Variants in PPP1R21 observed in about 807,000 individuals in gnomAD.
The protein encoded by PPP1R21 is protein phosphatase 1 regulatory subunit 21.
In PPP1R21, 85 loss-of-function variants were observed where a neutral mutation model predicts 112.8. The observed-to-expected ratio is 0.75, with a 90% CI of 0.63 to 0.90. PPP1R21 has a LOEUF of 0.90. PPP1R21 is among the 40% of genes least tolerant of loss of function. PPP1R21 has a pLI of 0.00. For missense variants in PPP1R21, 1,199 were observed against 901.5 expected (o/e 1.33, Z -4.23); for synonymous variants, 381 against 322.3 (o/e 1.18, Z -1.95).
intron 4 of PPP1R21, among the ~76,000 whole-genome samples, chr2:48,458,909 G>A (rs1047908134): frequency 5.9e-5 from 9 of 151,784 alleles, no homozygotes; most frequent in Non-Finnish European, 8.8e-5. Flanking sequence ...TGGCTAACAC[G>A]GTGAAACCCC....
At chr2:48,491,555 AAAAAG>A (rs1394817064) in intron 15 of PPP1R21, among the ~76,000 whole-genome samples, 19 of 62,434 alleles carry the variant, frequency 3.0e-4, no homozygotes, top group South Asian at 5.0e-4. Context: ...AAAAGAAAAA[AAAAAG>A]AGAGAAGATA....
At chr2:48,495,320 C>T (rs879340506) in intron 15 of PPP1R21, among the ~76,000 whole-genome samples, 3 of 152,168 alleles carry the variant, frequency 2.0e-5, no homozygotes, top group Non-Finnish European at 2.9e-5. Context: ...TCTCGTGCCT[C>T]AGCTTCCCTA....
intron 7 of PPP1R21, among the ~76,000 whole-genome samples, chr2:48,463,652 C>G (rs923555567): frequency 2.0e-5 from 3 of 152,096 alleles, no homozygotes; most frequent in Non-Finnish European, 2.9e-5. Flanking sequence ...ATGGAAGAGA[C>G]TCACTGTGGA....
intron 17 of PPP1R21, among the ~76,000 whole-genome samples, chr2:48,503,273 A>G (rs890140180): frequency 2.0e-5 from 3 of 152,206 alleles, no homozygotes; most frequent in Non-Finnish European, 4.4e-5. Flanking sequence ...AATTTCATAT[A>G]TAGTTGACAC....
intron 4 of PPP1R21, 90 bp downstream of exon 4, chr2:48,458,317 C>T: frequency 2.6e-6 from 2 of 759,048 alleles, no homozygotes; most frequent in South Asian, 1.5e-5. Context: ...TGTTTTGTGT[C>T]TGCGTGGGTA....
chr2:48,487,183 A>T (rs1003086783), intron 14 of PPP1R21, among the ~76,000 whole-genome samples: 2 of 152,206 alleles, frequency 1.3e-5, no homozygotes. Flanking sequence ...GTGTATATGA[A>T]GGGTCTGCCA....
At chr2:48,468,752 T>C (rs1668316647) in intron 9 of PPP1R21, among the ~76,000 whole-genome samples, 1 of 151,372 alleles carries the variant, frequency 6.6e-6, no homozygotes, top group African/African-American at 2.4e-5. Flanking sequence ...GAGGCAGAGG[T>C]TGCAGTGAGC....
rs1390594861 is a variant in PPP1R21, at chr2:48,498,475, ACT to A, written c.1693-15_1693-14del. On this transcript the variant is annotated splice_polypyrimidine_tract_variant and intron_variant, in intron 16 of 21. Coordinates refer to ENST00000294952, the MANE Select transcript of PPP1R21 (RefSeq NM_001135629.3). ...TCTGTATTAGTCTCTAAGATACAAC[ACT>A]CTGTTACTTTTCAAGGTTCAACAGA... 2 of 1,613,386 alleles carry A rather than the reference ACT, an allele frequency of 1.2e-6. No individual in the cohort carries two copies. The highest frequency in any genetic ancestry group is 3.3e-5 in the Admixed American group (2 of 59,976).
At chr2:48,448,832 A>G (rs1402778584) in intron 1 of PPP1R21, among the ~76,000 whole-genome samples, 1 of 152,180 alleles carries the variant, frequency 6.6e-6, no homozygotes, top group African/African-American at 2.4e-5. Flanking sequence ...CACACAGTAA[A>G]TATTTTAGGC....
rs751336324 is a variant in PPP1R21, at chr2:48,498,541, C to T, written c.1741C>T (p.His581Tyr). Residue 581 changes from histidine to tyrosine, a missense_variant, in exon 17 of 22, where the codon CAT becomes TAT. Transcript: ENST00000294952. Reference protein sequence around the residue: ...KISKLEQEKEHWMLEAQLAKI... With the variant: ...KISKLEQEKEYWMLEAQLAKI... ...TTCTAAACTGGAGCAGGAAAAAGAA[C>T]ATTGGATGTTGGAAGCACAATTAGC... 4.3e-6 allele frequency: 7 copies of T among 1,614,082 alleles called. No individual in the cohort carries two copies. Among genetic ancestry groups the T allele is most frequent in the East Asian group, 2.2e-5 (1 of 44,886 alleles).
chr2:48,493,749 G>A (rs912929694), intron 15 of PPP1R21, among the ~76,000 whole-genome samples: 2 of 151,992 alleles, frequency 1.3e-5, no homozygotes, highest in African/African-American at 4.8e-5. Flanking sequence ...TCTCCATTCA[G>A]TTAGAAATGC....
chr2:48,506,137 C>T (rs1450851263), intron 18 of PPP1R21, among the ~76,000 whole-genome samples: 3 of 152,142 alleles, frequency 2.0e-5, no homozygotes, highest in African/African-American at 7.2e-5. Context: ...TTATATTGCC[C>T]ATACTGAAGT....
chr2:48,468,461 A>G (rs1308691775), intron 9 of PPP1R21, among the ~76,000 whole-genome samples: 1 of 152,184 alleles, frequency 6.6e-6, no homozygotes, highest in Non-Finnish European at 1.5e-5. Context: ...GATAGGGAAG[A>G]CAGTACTGCA....
At chr2:48,487,251 A>G (rs1669343391) in intron 14 of PPP1R21, among the ~76,000 whole-genome samples, 1 of 152,164 alleles carries the variant, frequency 6.6e-6, no homozygotes, top group Non-Finnish European at 1.5e-5. Context: ...TATACGTTCC[A>G]TTAATACTTT....
chr2:48,465,144 C>G (rs1668145113), intron 8 of PPP1R21, among the ~76,000 whole-genome samples, 155 bp downstream of exon 8: 1 of 152,154 alleles, frequency 6.6e-6, no homozygotes, highest in Non-Finnish European at 1.5e-5. Context: ...TCAAATGTAG[C>G]TTGCTTTTTA....
chr2:48,446,286 A>G (rs1023773321), intron 1 of PPP1R21, among the ~76,000 whole-genome samples: 1 of 152,184 alleles, frequency 6.6e-6, no homozygotes, highest in Non-Finnish European at 1.5e-5. Flanking sequence ...ACATATTGTC[A>G]GAGTGGCATG....
chr2:48,451,538 C>G (rs2103759329), intron 2 of PPP1R21, among the ~76,000 whole-genome samples: 1 of 152,266 alleles, frequency 6.6e-6, no homozygotes, highest in Non-Finnish European at 1.5e-5. Flanking sequence ...TAGTAATAAC[C>G]TGTGTTAATC....
intron 11 of PPP1R21, among the ~76,000 whole-genome samples, chr2:48,473,369 A>G (rs1346399524): frequency 2.0e-5 from 3 of 152,216 alleles, no homozygotes; most frequent in East Asian, 1.9e-4. Context: ...CTTATGTTTA[A>G]GAAGAATCTG....
At chr2:48,463,667 A>G (rs760411018) in intron 7 of PPP1R21, among the ~76,000 whole-genome samples, 3 of 152,130 alleles carry the variant, frequency 2.0e-5, no homozygotes, top group Non-Finnish European at 2.9e-5. Context: ...TGTGGACACA[A>G]GAGTTAAATG....
Sources: allele counts gnomAD v4.1 joint callset (sites outside exome capture counted in the v4.1 genomes callset), GRCh38; gene constraint gnomAD v4.1.1; transcripts MANE v1.5; gene names NCBI Gene and HGNC (gene_info 2026-07-23, HGNC 2026-07-21).